NTM: variants seen among roughly 807,000 people sequenced by gnomAD.
NTM encodes the protein neurotrimin.
NTM carries 13 observed loss-of-function variants against 42.1 expected under a neutral mutation model. The observed-to-expected ratio is 0.31, with a 90% CI of 0.20 to 0.49. NTM has a LOEUF of 0.49. Ranked by LOEUF, NTM falls within the 20% of genes least tolerant of loss-of-function variation. The pLI, the probability that NTM is intolerant of heterozygous loss-of-function variation, is 0.99. For missense variants in NTM, 373 were observed against 452.8 expected, an observed-to-expected ratio of 0.82 and a Z score of 1.60; for synonymous variants, 187 against 179.2, an observed-to-expected ratio of 1.04 and a Z score of -0.35.
chr11:131,970,422 G>C (rs1006544724), intron 2 of NTM, among the ~76,000 whole-genome samples: 1 of 152,182 alleles, frequency 6.6e-6, no homozygotes, highest in Non-Finnish European at 1.5e-5. Flanking sequence ...TCATTCATTT[G>C]TCAGGCCTAA....
intron 1 of NTM, among the ~76,000 whole-genome samples, chr11:131,752,864 G>C (rs972259012): frequency 2.6e-5 from 4 of 152,018 alleles, no homozygotes; most frequent in Admixed American, 2.6e-4. Flanking sequence ...CAAAAGCAAT[G>C]GCAACAAAAG....
At position 131,844,149 on chromosome 11, in the gene NTM, A is replaced by C. The variant is rs76000081; in HGVS notation, c.83-67415A>C. On this transcript the variant is annotated intron_variant, in intron 1 of 8. Transcript: ENST00000683400. ...ACCTGCTTATATTTGTATTCTAATAATGGCAAAGTGTTGCTGTTGGTATTT... is the reference window on the plus strand; with the variant it reads ...ACCTGCTTATATTTGTATTCTAATACTGGCAAAGTGTTGCTGTTGGTATTT... Among the ~76,000 whole-genome samples the C allele has an allele frequency of 1.5e-3, 227 of 152,312 alleles. 1 individual carries two copies. The highest frequency in any genetic ancestry group is 5.2e-3 in the African/African-American group (215 of 41,568).
chr11:131,555,915 G>A (rs2055347121), intron 1 of NTM, among the ~76,000 whole-genome samples: 1 of 152,174 alleles, frequency 6.6e-6, no homozygotes, highest in African/African-American at 2.4e-5. Flanking sequence ...TGGGCCCCAT[G>A]GGTGGCAAAC....
intron 1 of NTM, among the ~76,000 whole-genome samples, chr11:131,500,592 T>TGTA (rs2046676342): frequency 7.6e-6 from 1 of 131,232 alleles, no homozygotes; most frequent in Non-Finnish European, 1.6e-5. Context: ...TTTTTTTTTT[T>TGTA]TTTGTATTAT....
intron 8 of NTM, among the ~76,000 whole-genome samples, chr11:132,330,660 G>A (rs1021713995): frequency 3.3e-5 from 5 of 152,136 alleles, no homozygotes; most frequent in Non-Finnish European, 5.9e-5. Context: ...ACTTGGCTAC[G>A]AATAAAATGC....
At chr11:132,103,478 G>T (rs1287305306) in intron 2 of NTM, among the ~76,000 whole-genome samples, 2 of 152,160 alleles carry the variant, frequency 1.3e-5, no homozygotes, top group Admixed American at 6.5e-5. Flanking sequence ...CCTACAGTTT[G>T]TCTGGATAAT....
chr11:131,824,227 T>C (rs1214847264), intron 1 of NTM, among the ~76,000 whole-genome samples: 1 of 152,206 alleles, frequency 6.6e-6, no homozygotes, highest in Non-Finnish European at 1.5e-5. Flanking sequence ...CTCCTTGGTG[T>C]AGGGGAGAAT....
chr11:131,376,411 C>G (rs951233413), intron 1 of NTM, among the ~76,000 whole-genome samples: 6 of 152,108 alleles, frequency 3.9e-5, no homozygotes, highest in African/African-American at 1.4e-4. Flanking sequence ...AAAATCATGA[C>G]AGGAGATCAC....
At chr11:131,795,274 T>C (rs2136182928) in intron 1 of NTM, 1 of 489,118 alleles carries the variant, frequency 2.0e-6, no homozygotes, top group Non-Finnish European at 2.7e-6. Flanking sequence ...ATTTCTTCCT[T>C]ATAGGGTTGT....
intron 1 of NTM, among the ~76,000 whole-genome samples, chr11:131,443,080 T>A (rs1234509068): frequency 6.6e-6 from 1 of 152,222 alleles, no homozygotes; most frequent in African/African-American, 2.4e-5. Flanking sequence ...GAAGGAGATA[T>A]TCTTACCTGT....
At chr11:131,638,951 C>G (rs2064787730) in intron 1 of NTM, among the ~76,000 whole-genome samples, 1 of 152,014 alleles carries the variant, frequency 6.6e-6, no homozygotes, top group Admixed American at 6.6e-5. Context: ...TTCTGAAAAA[C>G]TTTGTATAAA....
intron 1 of NTM, among the ~76,000 whole-genome samples, chr11:131,494,401 T>C (rs1179959059): frequency 6.6e-6 from 1 of 152,176 alleles, no homozygotes; most frequent in Non-Finnish European, 1.5e-5. Flanking sequence ...TAAAATCCAT[T>C]TTGGCATTCT....
At chr11:131,915,928 A>G (rs2056274360) in intron 2 of NTM, among the ~76,000 whole-genome samples, 1 of 152,122 alleles carries the variant, frequency 6.6e-6, no homozygotes, top group Admixed American at 6.5e-5. Context: ...TCAAGATGAG[A>G]TTTGGGTGGG....
chr11:131,550,159 T>C (rs1257803980), intron 1 of NTM, among the ~76,000 whole-genome samples: 2 of 152,248 alleles, frequency 1.3e-5, no homozygotes, highest in Non-Finnish European at 2.9e-5. Flanking sequence ...ATGTTTACTA[T>C]GTGCCAAGCA....
chr11:131,401,812 A>ATATATATATATATATGTGTG (rs1565465186), intron 1 of NTM, among the ~76,000 whole-genome samples: 3 of 21,614 alleles, frequency 1.4e-4, no homozygotes, highest in African/African-American at 8.2e-4. Flanking sequence ...ATATATATAT[A>ATATATATATATATATGTGTG]TATATATATA....
At chr11:131,652,087 A>C (rs971895932) in intron 1 of NTM, among the ~76,000 whole-genome samples, 3 of 50,584 alleles carry the variant, frequency 5.9e-5, no homozygotes, top group Admixed American at 1.7e-4. Flanking sequence ...CGAGTTCTAG[A>C]CTTATGAGTT....
chr11:131,618,197 A>G (rs903214198), intron 1 of NTM, among the ~76,000 whole-genome samples: 3 of 152,220 alleles, frequency 2.0e-5, no homozygotes, highest in African/African-American at 7.2e-5. Context: ...AGCACATCCA[A>G]GACCTCAAAA....
At chr11:131,992,756 G>A (rs557219149) in intron 2 of NTM, among the ~76,000 whole-genome samples, 4 of 152,212 alleles carry the variant, frequency 2.6e-5, no homozygotes, top group Admixed American at 1.3e-4. Context: ...GGTTAGCTTG[G>A]GTCTGGTGCC....
At chr11:131,937,352 TAGAC>T (rs1161432208) in intron 2 of NTM, among the ~76,000 whole-genome samples, 2 of 152,226 alleles carry the variant, frequency 1.3e-5, no homozygotes, top group South Asian at 2.1e-4. Flanking sequence ...CTTGTTCTAT[TAGAC>T]AGATATGACA....
Sources: allele counts gnomAD v4.1 joint callset (sites outside exome capture counted in the v4.1 genomes callset), GRCh38; gene constraint gnomAD v4.1.1; transcripts MANE v1.5; gene names NCBI Gene and HGNC (gene_info 2026-07-23, HGNC 2026-07-21).